The following ARMH3 variants were observed in gnomAD, a reference collection of about 807,000 sequenced individuals.
The protein encoded by ARMH3 is armadillo-like helical domain-containing protein 3.
In ARMH3, 60 loss-of-function variants were observed where a neutral mutation model predicts 99.1. That is an observed-to-expected ratio of 0.61 (90% CI 0.49 to 0.75). ARMH3 has a LOEUF of 0.75. Ranked by LOEUF, ARMH3 falls within the 30% of genes least tolerant of loss-of-function variation. ARMH3 has a pLI of 0.00. For missense variants in ARMH3, 679 were observed against 843.1 expected, an observed-to-expected ratio of 0.81 and a Z score of 2.41; for synonymous variants, 285 against 292.8, an observed-to-expected ratio of 0.97 and a Z score of 0.27.
intron 24 of ARMH3, among the ~76,000 whole-genome samples, chr10:101,859,447 G>A (rs1196930035): frequency 6.6e-6 from 1 of 152,194 alleles, no homozygotes; most frequent in Non-Finnish European, 1.5e-5. Flanking sequence ...GATTCTTCAA[G>A]GCTCAGCCCT....
intron 24 of ARMH3, among the ~76,000 whole-genome samples, chr10:101,857,457 T>C (rs1262378594): frequency 2.0e-5 from 3 of 151,992 alleles, no homozygotes; most frequent in African/African-American, 7.2e-5. Flanking sequence ...AAAAAAATAG[T>C]GCTGAGCATA....
At chr10:102,014,857 G>T (rs1276646248) in intron 8 of ARMH3, among the ~76,000 whole-genome samples, 2 of 152,092 alleles carry the variant, frequency 1.3e-5, no homozygotes, top group Admixed American at 1.3e-4. Flanking sequence ...GGGATGTGAG[G>T]AAAAATTTCA....
intron 23 of ARMH3, among the ~76,000 whole-genome samples, chr10:101,921,079 T>C (rs1251907803): frequency 1.3e-5 from 2 of 152,212 alleles, no homozygotes. Flanking sequence ...AATGTCAATA[T>C]ACTTAATGCT....
At chr10:101,913,258 G>C (rs183335321) in intron 23 of ARMH3, 2 of 152,246 alleles carry the variant, frequency 1.3e-5, no homozygotes, top group East Asian at 3.9e-4. Flanking sequence ...TGGGATTACA[G>C]GTGTGAGCCA....
chr10:102,003,857 T>C (rs1245401860), intron 14 of ARMH3, among the ~76,000 whole-genome samples: 3 of 152,222 alleles, frequency 2.0e-5, no homozygotes, highest in South Asian at 2.1e-4. Context: ...CAAGAGCTAA[T>C]ATAAGACAAA....
chr10:101,938,647 C>T (rs1844100545), intron 23 of ARMH3, among the ~76,000 whole-genome samples: 1 of 152,230 alleles, frequency 6.6e-6, no homozygotes, highest in Non-Finnish European at 1.5e-5. Context: ...ATTTGTCATG[C>T]TGCCCTTGGG....
Position 102,006,714 on chromosome 10 carries a change from T to G in ARMH3, c.955-81A>C. 4 of 1,319,934 alleles carry G rather than the reference T, an allele frequency of 3.0e-6. No individual in the cohort carries two copies. In the South Asian group the frequency reaches 4.8e-5, roughly 16 times the overall value. 81.8% of individuals were successfully genotyped at this position (1,319,934 alleles called of 1,614,324 possible). On this transcript the variant is annotated intron_variant, in intron 13 of 25. Transcript: ENST00000370033. ...TCAAGTGCCTAATACCAATAAGGAC[T>G]GGTATTCTGGACCTTATAATTTTTT...
intron 23 of ARMH3, among the ~76,000 whole-genome samples, chr10:101,916,014 G>A (rs555650476): frequency 3.7e-4 from 56 of 151,906 alleles, no homozygotes; most frequent in Admixed American, 9.8e-4. Flanking sequence ...CCGTGTTAGC[G>A]AGGATGGTCT....
At chr10:101,993,847 A>G (rs1232754948) in intron 16 of ARMH3, among the ~76,000 whole-genome samples, 1 of 152,226 alleles carries the variant, frequency 6.6e-6, no homozygotes, top group East Asian at 1.9e-4. Context: ...AAAAATTAAG[A>G]CGCAGGGACT....
intron 5 of ARMH3, among the ~76,000 whole-genome samples, chr10:102,029,098 C>T (rs1177409246): frequency 6.6e-6 from 1 of 152,200 alleles, no homozygotes; most frequent in Admixed American, 6.5e-5. Flanking sequence ...TGGTCTCAAA[C>T]TCCTTAGCTC....
At position 101,964,253 on chromosome 10, in the gene ARMH3, G is replaced by GC. The variant is rs544048395; in HGVS notation, c.1496-6522dup. On this transcript the variant is annotated intron_variant, in intron 20 of 25. Transcript: ENST00000370033. The stretch of plus-strand genomic sequence containing the variant: ...TCAAACTCCTGACCTCAAGTGATCT[G>GC]CCCGCCTTGGCTTCCCAAAGTGCTA... Among the ~76,000 whole-genome samples, 43 of 152,172 alleles carry GC rather than the reference G, an allele frequency of 2.8e-4. No homozygotes were observed. The East Asian group carries it at 7.8e-3, about 27-fold the overall frequency.
intron 20 of ARMH3, among the ~76,000 whole-genome samples, chr10:101,959,784 C>CT (rs1845197077): frequency 6.6e-6 from 1 of 152,328 alleles, no homozygotes; most frequent in East Asian, 1.9e-4. Context: ...CCACAATACT[C>CT]TGAGAGTCAG....
At position 102,009,787 on chromosome 10, in the gene ARMH3, G is replaced by A. The variant is rs550088798; in HGVS notation, c.878+190C>T. The stretch of plus-strand genomic sequence containing the variant: ...GGCAACAGTTGTTCAGCTTATTGTC[G>A]CTCAATACATATGAAAAGCAGAAAT... On this transcript the variant is annotated intron_variant, in intron 12 of 25. Transcript: ENST00000370033. Among the ~76,000 whole-genome samples the A allele has an allele frequency of 3.9e-5, 6 of 152,078 alleles. No homozygotes were observed. In the South Asian group the frequency reaches 8.3e-4, roughly 21 times the overall value.
intron 20 of ARMH3, among the ~76,000 whole-genome samples, chr10:101,960,942 T>G (rs957425519): frequency 6.6e-6 from 1 of 151,324 alleles, no homozygotes; most frequent in Non-Finnish European, 1.5e-5. Flanking sequence ...GAGATCAAGC[T>G]GAACGTGAAA....
intron 24 of ARMH3, among the ~76,000 whole-genome samples, chr10:101,864,076 A>ACAC (rs1194790506): frequency 4.7e-4 from 60 of 128,232 alleles, no homozygotes; most frequent in East Asian, 3.5e-3. Context: ...AAAAAAAAAA[A>ACAC]AAACACACAC....
intron 24 of ARMH3, among the ~76,000 whole-genome samples, chr10:101,851,454 T>G (rs750638614): frequency 1.3e-5 from 2 of 151,992 alleles, no homozygotes; most frequent in Non-Finnish European, 2.9e-5. Context: ...CCCTGCTCAG[T>G]AGGGAGCTTG....
intron 24 of ARMH3, among the ~76,000 whole-genome samples, chr10:101,873,932 T>C (rs1348151253): frequency 6.6e-6 from 1 of 152,240 alleles, no homozygotes; most frequent in African/African-American, 2.4e-5. Context: ...TCCTAAATAA[T>C]ACCGCTATGA....
intron 19 of ARMH3, among the ~76,000 whole-genome samples, chr10:101,978,486 C>T (rs552442517): frequency 5.3e-5 from 8 of 152,206 alleles, no homozygotes; most frequent in Non-Finnish European, 1.0e-4. Context: ...AATTCCACTA[C>T]TAGGTGTATA....
chr10:101,960,864 T>G (rs1590089057), intron 20 of ARMH3, among the ~76,000 whole-genome samples: 2 of 133,532 alleles, frequency 1.5e-5, no homozygotes, highest in Non-Finnish European at 3.1e-5. Context: ...CACTCTAGCC[T>G]GGGCGACAGA....
Sources: allele counts gnomAD v4.1 joint callset (sites outside exome capture counted in the v4.1 genomes callset), GRCh38; gene constraint gnomAD v4.1.1; transcripts MANE v1.5; gene names NCBI Gene and HGNC (gene_info 2026-07-23, HGNC 2026-07-21).